NRXN3: variants seen among roughly 807,000 people sequenced by gnomAD.
The protein encoded by NRXN3 is neurexin 3.
Under a neutral mutation model 137.6 loss-of-function variants are expected in NRXN3, and 32 were observed. The ratio of observed to expected loss-of-function variants is 0.23; its 90% confidence interval spans 0.18 to 0.31. The LOEUF is 0.31. NRXN3 is among the 10% of genes least tolerant of loss of function. NRXN3 has a pLI of 1.00. For synonymous variants in NRXN3, 798 were observed against 784.5 expected (o/e 1.02, Z -0.29); for missense variants, 1,574 against 2,062.5 (o/e 0.76, Z 4.59).
rs973759371 is a variant in NRXN3 at position 78,998,370 on chromosome 14, A to G, written c.3262+10229A>G. 3.3e-5 allele frequency among the ~76,000 whole-genome samples: 5 copies of G among 152,278 alleles called. No homozygotes were observed. The South Asian group carries it at 8.3e-4, about 25-fold the overall frequency. On this transcript the variant is annotated intron_variant, in intron 15 of 20. Coordinates refer to ENST00000335750, the MANE Select transcript of NRXN3 (RefSeq NM_001330195.2). The stretch of plus-strand genomic sequence containing the variant: ...TTCTAAGGGTTTTCTGAGGCTTTAC[A>G]TCAGTCCCAGAGTGATCTGGCAGTA...
At chr14:79,521,052 G>A (rs1185132829) in intron 16 of NRXN3, among the ~76,000 whole-genome samples, 1 of 152,068 alleles carries the variant, frequency 6.6e-6, no homozygotes, top group Non-Finnish European at 1.5e-5. Context: ...ATAATGAGTT[G>A]TTTTTTAAAG....
intron 15 of NRXN3, among the ~76,000 whole-genome samples, chr14:79,145,202 A>C (rs971928923): frequency 6.6e-6 from 1 of 152,190 alleles, no homozygotes; most frequent in African/African-American, 2.4e-5. Context: ...AATCTGTATG[A>C]AGTCTCAGTT....
At chr14:78,795,565 CAAT>C (rs1167323912) in intron 8 of NRXN3, among the ~76,000 whole-genome samples, 3 of 57,528 alleles carry the variant, frequency 5.2e-5, no homozygotes, top group African/African-American at 1.5e-4. Context: ...TAAAATGACA[CAAT>C]GATTAAATAA....
At chr14:79,205,356 T>TAA (rs946629078) in intron 15 of NRXN3, among the ~76,000 whole-genome samples, 5 of 152,272 alleles carry the variant, frequency 3.3e-5, no homozygotes, top group African/African-American at 9.6e-5. Flanking sequence ...ATTTTTGAGC[T>TAA]AAGAAGCCTT....
At chr14:78,888,908 G>A (rs1192484272) in intron 10 of NRXN3, among the ~76,000 whole-genome samples, 1 of 146,994 alleles carries the variant, frequency 6.8e-6, no homozygotes, top group Non-Finnish European at 1.5e-5. Context: ...CGCTGAAGTC[G>A]ATATCTGCCT....
At chr14:79,062,910 G>A (rs536249310) in intron 15 of NRXN3, among the ~76,000 whole-genome samples, 47 of 152,248 alleles carry the variant, frequency 3.1e-4, no homozygotes, top group African/African-American at 1.1e-3. Flanking sequence ...TTAGCAATTG[G>A]CAGCAATAAT....
intron 16 of NRXN3, among the ~76,000 whole-genome samples, chr14:79,563,295 T>G (rs1241551900): frequency 6.6e-6 from 1 of 152,122 alleles, no homozygotes; most frequent in African/African-American, 2.4e-5. Flanking sequence ...AAGTGCCATG[T>G]GTCAAAGCTA....
chr14:79,853,686 C>A (rs746067642), intron 20 of NRXN3: 6 of 1,289,330 alleles, frequency 4.7e-6, no homozygotes, highest in Non-Finnish European at 6.1e-6. Context: ...CCTTCCCATT[C>A]TCCCCCTTTC....
At chr14:78,871,104 G>A (rs2099100288) in intron 10 of NRXN3, among the ~76,000 whole-genome samples, 2 of 147,106 alleles carry the variant, frequency 1.4e-5, no homozygotes, top group Middle Eastern at 3.4e-3. Flanking sequence ...AGATCATATG[G>A]TAGTTCTATT....
At chr14:78,714,118 G>A (rs941917035) in intron 7 of NRXN3, among the ~76,000 whole-genome samples, 1 of 152,106 alleles carries the variant, frequency 6.6e-6, no homozygotes, top group African/African-American at 2.4e-5. Flanking sequence ...TGTGTCACAG[G>A]GAATGCTCAA....
chr14:78,988,023 A>G lies in NRXN3; in HGVS notation c.3144A>G (p.Gly1048=). The G allele has an allele frequency of 6.2e-7, 1 of 1,613,512 alleles. No homozygotes were observed. The highest frequency in any genetic ancestry group is 8.5e-7 in the Non-Finnish European group (1 of 1,179,776). ...TCCCCTCTTCTTGTGCATTACTAGG[A>G]CCCAGTACCACCTGCCAGGAAGATT... The part of the protein sequence containing the change: ...RSGQIERGCE[G]PSTTCQEDSC... The change falls in exon 15 of 21, where the codon GGA becomes GGG. Residue 1048 remains glycine (G), a splice_region_variant and synonymous_variant. Transcript: ENST00000335750.
intron 4 of NRXN3, among the ~76,000 whole-genome samples, chr14:78,589,957 G>GAAAC (rs888778764): frequency 6.6e-6 from 1 of 152,076 alleles, no homozygotes; most frequent in African/African-American, 2.4e-5. Context: ...AACTCCGTTT[G>GAAAC]AAACAAACAA....
intron 4 of NRXN3, among the ~76,000 whole-genome samples, chr14:78,440,285 C>T (rs935130956): frequency 1.3e-5 from 2 of 152,164 alleles, no homozygotes; most frequent in South Asian, 4.1e-4. Flanking sequence ...GCTGCCCACC[C>T]CTGGCACATG....
intron 16 of NRXN3, among the ~76,000 whole-genome samples, chr14:79,600,237 T>TG (rs1251910808): frequency 6.6e-6 from 1 of 152,212 alleles, no homozygotes; most frequent in African/African-American, 2.4e-5. Flanking sequence ...CACGCTTTTA[T>TG]GTTCTTTCCT....
chr14:78,388,898 T>G (rs2090365892), intron 4 of NRXN3, among the ~76,000 whole-genome samples: 1 of 152,084 alleles, frequency 6.6e-6, no homozygotes, highest in Non-Finnish European at 1.5e-5. Context: ...CATACTTCAA[T>G]TCATCATTTT....
At chr14:78,672,278 G>T (rs1353582394) in intron 6 of NRXN3, among the ~76,000 whole-genome samples, 1 of 152,172 alleles carries the variant, frequency 6.6e-6, no homozygotes, top group Non-Finnish European at 1.5e-5. Flanking sequence ...ACTCTTAACA[G>T]AAGAACAAAT....
At chr14:79,719,191 C>G (rs1455862019) in intron 19 of NRXN3, among the ~76,000 whole-genome samples, 1 of 151,826 alleles carries the variant, frequency 6.6e-6, no homozygotes, top group Non-Finnish European at 1.5e-5. Flanking sequence ...GTTTGGACAT[C>G]ATTTAGTGTT....
At chr14:78,479,048 A>G (rs191491094) in intron 4 of NRXN3, among the ~76,000 whole-genome samples, 69 of 152,352 alleles carry the variant, frequency 4.5e-4, no homozygotes, top group Admixed American at 9.8e-4. Context: ...TAGCAAACCA[A>G]TGTGCTACAA....
chr14:79,050,289 G>A (rs1479641742), intron 15 of NRXN3, among the ~76,000 whole-genome samples: 3 of 152,086 alleles, frequency 2.0e-5, no homozygotes, highest in African/African-American at 7.2e-5. Flanking sequence ...ATTCATTAAC[G>A]TCATCATAAA....
Sources: allele counts gnomAD v4.1 joint callset (sites outside exome capture counted in the v4.1 genomes callset), GRCh38; gene constraint gnomAD v4.1.1; transcripts MANE v1.5; gene names NCBI Gene and HGNC (gene_info 2026-07-23, HGNC 2026-07-21).